Variants in SLC25A26 observed in about 807,000 individuals in gnomAD.
The protein encoded by SLC25A26 is mitochondrial S-adenosylmethionine carrier protein.
In SLC25A26, 36 loss-of-function variants were observed where a neutral mutation model predicts 37.8. That is an observed-to-expected ratio of 0.95 (90% confidence interval 0.73 to 1.26). The LOEUF is 1.26. SLC25A26 is among the 50% of genes most tolerant of loss of function. The probability of loss-of-function intolerance (pLI) is 0.00; values close to 1 mark genes in which losing one functional copy is unlikely to be tolerated. For synonymous variants in SLC25A26, 129 were observed against 122.5 expected (o/e 1.05, Z -0.35); for missense variants, 390 against 331.1 (o/e 1.18, Z -1.38).
At chr3:66,288,807 A>G (rs887162600) in intron 5 of SLC25A26, among the ~76,000 whole-genome samples, 5 of 152,190 alleles carry the variant, frequency 3.3e-5, no homozygotes, top group Non-Finnish European at 7.3e-5. Context: ...GTGTCTTTAT[A>G]GTAGAATGAT....
chr3:66,150,010 C>A (rs2070176199), intron 1 of SLC25A26, among the ~76,000 whole-genome samples: 1 of 152,002 alleles, frequency 6.6e-6, no homozygotes, highest in Admixed American at 6.6e-5. Flanking sequence ...TATTCTGTGA[C>A]CAAACGTGGG....
At chr3:66,317,947 G>T (rs998089925) in intron 5 of SLC25A26, among the ~76,000 whole-genome samples, 1 of 152,166 alleles carries the variant, frequency 6.6e-6, no homozygotes, top group Admixed American at 6.5e-5. Flanking sequence ...CAAACCACCC[G>T]GTCTTGCTGG....
chr3:66,326,604 A>G (rs2075843818), intron 5 of SLC25A26, among the ~76,000 whole-genome samples: 1 of 152,184 alleles, frequency 6.6e-6, no homozygotes, highest in African/African-American at 2.4e-5. Flanking sequence ...GCAGACACAG[A>G]TGGTTGGGTT....
chr3:66,339,519 T>C (rs944058641), intron 5 of SLC25A26, among the ~76,000 whole-genome samples: 3 of 152,016 alleles, frequency 2.0e-5, no homozygotes, highest in African/African-American at 7.2e-5. Context: ...TTTCATTTTT[T>C]TCATATCCTT....
intron 9 of SLC25A26, chr3:66,371,207 A>G (rs1700327475): frequency 2.0e-6 from 3 of 1,518,144 alleles, no homozygotes; most frequent in Non-Finnish European, 1.8e-6. Flanking sequence ...CTTAGGGACC[A>G]TATACCAGGG....
chr3:66,134,682 C>T (rs1326735844), intron 1 of SLC25A26, among the ~76,000 whole-genome samples: 1 of 152,176 alleles, frequency 6.6e-6, no homozygotes, highest in Non-Finnish European at 1.5e-5. Flanking sequence ...TTAAAAATCA[C>T]TAAAAATCAT....
chr3:66,360,620 A>T (rs539081627), intron 6 of SLC25A26, among the ~76,000 whole-genome samples: 19 of 152,368 alleles, frequency 1.2e-4, no homozygotes, highest in African/African-American at 4.6e-4. Flanking sequence ...GCAATGAACA[A>T]CCAGAGACTG....
chr3:66,303,710 G>A (rs937544750), intron 5 of SLC25A26, among the ~76,000 whole-genome samples: 1 of 152,148 alleles, frequency 6.6e-6, no homozygotes, highest in Non-Finnish European at 1.5e-5. Flanking sequence ...GTGGTTTAAG[G>A]TGACATATAT....
chr3:66,372,882 T>C (rs1700425230), intron 9 of SLC25A26, among the ~76,000 whole-genome samples: 1 of 152,082 alleles, frequency 6.6e-6, no homozygotes, highest in South Asian at 2.1e-4. Flanking sequence ...CTAAGTTTAC[T>C]AGGTACTACT....
chr3:66,213,457 A>G (rs1017679885), intron 1 of SLC25A26, among the ~76,000 whole-genome samples: 46 of 149,424 alleles, frequency 3.1e-4, no homozygotes, highest in Admixed American at 3.0e-3. Flanking sequence ...TTTAAAATAT[A>G]TATATTTAAT....
chr3:66,141,515 AT>A (rs35691470), intron 1 of SLC25A26, among the ~76,000 whole-genome samples: 50,069 of 146,050 alleles, frequency 0.34, 8,405 homozygotes, highest in African/African-American at 0.41. Flanking sequence ...AATAGTGTGA[AT>A]TTTTTTTTTT....
chr3:66,289,709 T>C (rs932734403), intron 5 of SLC25A26, among the ~76,000 whole-genome samples: 1 of 152,164 alleles, frequency 6.6e-6, no homozygotes, highest in Non-Finnish European at 1.5e-5. Context: ...CCATGCTGTT[T>C]TGGTTTACTG....
At chr3:66,301,086 A>G (rs907282551) in intron 5 of SLC25A26, among the ~76,000 whole-genome samples, 7 of 152,154 alleles carry the variant, frequency 4.6e-5, no homozygotes, top group African/African-American at 1.7e-4. Flanking sequence ...GTCCTCAAAT[A>G]ATTGGATTCT....
chr3:66,374,533 C>T (rs559573800), intron 9 of SLC25A26, among the ~76,000 whole-genome samples: 1 of 152,296 alleles, frequency 6.6e-6, no homozygotes, highest in African/African-American at 2.4e-5. Flanking sequence ...AATTAATAAT[C>T]CTCCAGTGGC....
chr3:66,301,860 C>T (rs1385727945), intron 5 of SLC25A26, among the ~76,000 whole-genome samples: 1 of 152,138 alleles, frequency 6.6e-6, no homozygotes, highest in African/African-American at 2.4e-5. Context: ...AGTACTTAGC[C>T]ATGTGGCCTT....
At chr3:66,374,645 G>C (rs1700539011) in intron 9 of SLC25A26, among the ~76,000 whole-genome samples, 1 of 152,166 alleles carries the variant, frequency 6.6e-6, no homozygotes, top group African/African-American at 2.4e-5. Context: ...AGGATTTTGG[G>C]GGGCCAAGGT....
chr3:66,208,885 T>TATATATATATAC (rs1196757082), intron 1 of SLC25A26, among the ~76,000 whole-genome samples: 2 of 105,606 alleles, frequency 1.9e-5, no homozygotes, highest in African/African-American at 6.5e-5. Context: ...TATATATATA[T>TATATATATATAC]ACACCTTTAT....
rs73833413 is a variant in SLC25A26 at position 66,152,633 on chromosome 3, C to T, written c.-354+18649C>T. ...AAATAAAATCATCTATTCCCCCAGC[C>T]GTCAAGAAAAGGTCTAGTCTTAACT... On this transcript the variant is annotated intron_variant, in intron 1 of 10. Transcript: ENST00000676754. 7.8e-3 allele frequency among the ~76,000 whole-genome samples: 1,189 copies of T among 151,514 alleles called. 14 individuals are homozygous for T. The highest frequency in any genetic ancestry group is 0.027 in the African/African-American group (1,121 of 41,370).
chr3:66,199,164 C>G (rs1244169094), intron 1 of SLC25A26, among the ~76,000 whole-genome samples: 2 of 152,036 alleles, frequency 1.3e-5, no homozygotes, highest in African/African-American at 4.8e-5. Flanking sequence ...TGCCCTACCT[C>G]TGACCATCAC....
Sources: allele counts gnomAD v4.1 joint callset (sites outside exome capture counted in the v4.1 genomes callset), GRCh38; gene constraint gnomAD v4.1.1; transcripts MANE v1.5; gene names NCBI Gene and HGNC (gene_info 2026-07-23, HGNC 2026-07-21).